PHF14: variants seen among roughly 807,000 people sequenced by gnomAD.
PHF14 encodes PHD finger protein 14.
A neutral mutation model predicts 117.9 loss-of-function variants in PHF14; 55 were observed. That is an observed-to-expected ratio of 0.47 (90% confidence interval 0.38 to 0.58). The LOEUF is 0.58. Ranked by LOEUF, PHF14 falls within the 20% of genes least tolerant of loss-of-function variation. The pLI, the probability that PHF14 is intolerant of heterozygous loss-of-function variation, is 0.00. For synonymous variants in PHF14, 409 were observed against 368.6 expected, an observed-to-expected ratio of 1.11 and a Z score of -1.26; for missense variants, 978 against 1,122.2, an observed-to-expected ratio of 0.87 and a Z score of 1.84.
intron 3 of PHF14, among the ~76,000 whole-genome samples, chr7:10,989,113 T>TA (rs1169284891): frequency 1.3e-5 from 2 of 152,190 alleles, no homozygotes; most frequent in African/African-American, 2.4e-5. Flanking sequence ...ATACAGAACT[T>TA]AGAAATACTA....
In PHF14 at chr7:11,111,474, G is replaced by A. The variant is rs189107973; in HGVS notation, c.2772+7G>A. The A allele has an allele frequency of 6.4e-4, 888 of 1,397,376 alleles. 1 individual carries two copies. Among genetic ancestry groups the A allele is most frequent in the Non-Finnish European group, 8.2e-4 (812 of 990,504 alleles). The allele number at this position is 1,397,376 out of a possible 1,614,324, so 86.6% of individuals were successfully genotyped here. A position where few individuals can be genotyped will look rare whatever the true frequency, so the allele number is the denominator to read the frequency against. On this transcript the variant is annotated splice_region_variant and intron_variant, in intron 17 of 17. Transcript: ENST00000634607. ...TGATTCTTCATCTTCCAAGGTAAGG[G>A]GAGAAGTCTATAAGAAAAGGTATTG...
intron 3 of PHF14, among the ~76,000 whole-genome samples, chr7:10,989,088 A>G (rs371434080): frequency 1.8e-4 from 28 of 152,288 alleles, no homozygotes; most frequent in East Asian, 1.5e-3. Context: ...TGGTTTTATA[A>G]CACAGAGAAG....
chr7:11,138,938 A>G (rs1784348328), intron 17 of PHF14, among the ~76,000 whole-genome samples: 1 of 152,152 alleles, frequency 6.6e-6, no homozygotes, highest in Admixed American at 6.5e-5. Flanking sequence ...CTTGGGGAAG[A>G]TGATATTTCT....
intron 16 of PHF14, among the ~76,000 whole-genome samples, chr7:11,102,247 GTAATAA>G (rs774417228): frequency 1.4e-4 from 21 of 151,600 alleles, no homozygotes; most frequent in Non-Finnish European, 2.7e-4. Flanking sequence ...ACAACCAAAA[GTAATAA>G]TAATAATACA....
chr7:11,032,343 T>C (rs538024596), intron 7 of PHF14, among the ~76,000 whole-genome samples: 1 of 152,320 alleles, frequency 6.6e-6, no homozygotes, highest in South Asian at 2.1e-4. Context: ...TCAATTTTAC[T>C]ATTAAGATAC....
intron 16 of PHF14, chr7:11,063,239 A>T (rs1405448310): frequency 1.0e-6 from 1 of 984,636 alleles, no homozygotes; most frequent in Non-Finnish European, 1.2e-6. Flanking sequence ...GTTCATGTAG[A>T]GTGTGTTGGG....
intron 16 of PHF14, among the ~76,000 whole-genome samples, chr7:11,101,641 G>A (rs1344167855): frequency 6.6e-6 from 1 of 151,832 alleles, no homozygotes; most frequent in African/African-American, 2.4e-5. Flanking sequence ...AGTTTGGCAT[G>A]ATAGCTCTCC....
intron 4 of PHF14, among the ~76,000 whole-genome samples, chr7:10,996,946 G>A (rs1341212567): frequency 6.6e-6 from 1 of 152,154 alleles, no homozygotes; most frequent in Non-Finnish European, 1.5e-5. Context: ...ATTTTTATTT[G>A]TTAGTGGACA....
chr7:11,059,270 C>T (rs562647592), intron 14 of PHF14, among the ~76,000 whole-genome samples: 23 of 152,132 alleles, frequency 1.5e-4, no homozygotes, highest in Non-Finnish European at 2.6e-4. Flanking sequence ...GAATTGAAAA[C>T]ATGAACTTGC....
At chr7:11,128,195 T>C (rs1787984312) in intron 17 of PHF14, among the ~76,000 whole-genome samples, 1 of 152,198 alleles carries the variant, frequency 6.6e-6, no homozygotes, top group Middle Eastern at 3.4e-3. Context: ...CTCATTGCTA[T>C]CTTTTGTGAT....
At chr7:11,099,725 T>G (rs1175003313) in intron 16 of PHF14, among the ~76,000 whole-genome samples, 2 of 152,166 alleles carry the variant, frequency 1.3e-5, no homozygotes, top group Non-Finnish European at 2.9e-5. Flanking sequence ...GATCATTGTC[T>G]TATCTTTAAA....
chr7:11,022,704 T>C (rs1783777239), intron 5 of PHF14, among the ~76,000 whole-genome samples, 164 bp from the exon 6 acceptor site: 1 of 152,134 alleles, frequency 6.6e-6, no homozygotes, highest in Non-Finnish European at 1.5e-5. Flanking sequence ...ATTCTGTAGG[T>C]GTTTCATATT....
intron 16 of PHF14, chr7:11,107,299 AG>A (rs1308748636): frequency 3.3e-5 from 32 of 967,302 alleles, no homozygotes; most frequent in Non-Finnish European, 3.9e-5. Flanking sequence ...TTCTTTGTTT[AG>A]GGTGCTATTC....
At chr7:11,149,740 CTGA>C (rs1179973516) in intron 17 of PHF14, among the ~76,000 whole-genome samples, 1 of 152,052 alleles carries the variant, frequency 6.6e-6, no homozygotes, top group African/African-American at 2.4e-5. Flanking sequence ...TTGTTATCTA[CTGA>C]TGATTTTCCT....
At chr7:10,980,177 A>G (rs758846578) in intron 2 of PHF14, among the ~76,000 whole-genome samples, 14 of 152,150 alleles carry the variant, frequency 9.2e-5, no homozygotes, top group Non-Finnish European at 1.8e-4. Context: ...TCAGCTACCC[A>G]CACTTCTGCC....
At chr7:10,986,078 C>T (rs1289949709) in intron 3 of PHF14, among the ~76,000 whole-genome samples, 2 of 152,026 alleles carry the variant, frequency 1.3e-5, no homozygotes, top group Non-Finnish European at 2.9e-5. Flanking sequence ...AGGCAATTCT[C>T]CCACCTCAGC....
chr7:11,102,554 AGT>A (rs1187006880), intron 16 of PHF14: 63 of 1,609,766 alleles, frequency 3.9e-5, no homozygotes, highest in Non-Finnish European at 5.2e-5. Context: ...CTCTTTTATA[AGT>A]GTGATTTTAA....
chr7:10,978,365 A>C (rs1154923), intron 2 of PHF14, among the ~76,000 whole-genome samples: 138,625 of 152,236 alleles, frequency 0.91, 63,305 homozygotes, highest in African/African-American at 0.98. Flanking sequence ...TCAAGTCTTT[A>C]ATAGGAAATG....
chr7:11,051,124 T>G lies in PHF14; in HGVS notation c.2313-488T>G, dbSNP rs138244960. 3.6e-3 allele frequency among the ~76,000 whole-genome samples: 547 copies of G among 152,246 alleles called. 5 individuals are homozygous for G. Among genetic ancestry groups the G allele is most frequent in the African/African-American group, 9.9e-3 (413 of 41,556 alleles). ...GTTGAGATCATAGCTCACTGCAGCCTCCACCTCCTGGGCTCAAGTGACTCT... is the reference window on the plus strand; with the variant it reads ...GTTGAGATCATAGCTCACTGCAGCCGCCACCTCCTGGGCTCAAGTGACTCT... On this transcript the variant is annotated intron_variant, in intron 13 of 17. Transcript: ENST00000634607.
Sources: allele counts gnomAD v4.1 joint callset (sites outside exome capture counted in the v4.1 genomes callset), GRCh38; gene constraint gnomAD v4.1.1; transcripts MANE v1.5; gene names NCBI Gene and HGNC (gene_info 2026-07-23, HGNC 2026-07-21).